CCNE2: variants seen among roughly 807,000 people sequenced by gnomAD.
CCNE2 encodes the protein cyclin E2, also known as G1/S-specific cyclin-E2.
CCNE2 carries 18 observed loss-of-function variants against 56.8 expected under a neutral mutation model. The observed-to-expected ratio is 0.32, with a 90% CI of 0.22 to 0.47. The LOEUF is 0.47. Ranked by LOEUF, CCNE2 falls within the 20% of genes least tolerant of loss-of-function variation. CCNE2 has a pLI of 1.00. For synonymous variants in CCNE2, 139 were observed against 149.2 expected, an observed-to-expected ratio of 0.93 and a Z score of 0.50; for missense variants, 371 against 467.1, an observed-to-expected ratio of 0.79 and a Z score of 1.90.
At chr8:94,889,118 G>C (rs987204059) in intron 6 of CCNE2, among the ~76,000 whole-genome samples, 4 of 151,816 alleles carry the variant, frequency 2.6e-5, no homozygotes, top group South Asian at 2.1e-4. Flanking sequence ...ATTCCATTCT[G>C]GCCTGGGTGA....
At chr8:94,884,854 T>C in intron 9 of CCNE2, 1 of 430,728 alleles carries the variant, frequency 2.3e-6, no homozygotes, top group Non-Finnish European at 4.1e-6. Flanking sequence ...TCCTAAAGAA[T>C]GAAAGTACTC....
At position 94,882,168 on chromosome 8, in the gene CCNE2, A is replaced by G. The variant is rs865967928; in HGVS notation, c.1065T>C (p.His355=). 1.2e-6 allele frequency: 2 copies of G among 1,613,064 alleles called. No individual in the cohort carries two copies. The highest frequency in any genetic ancestry group is 3.3e-4 in the Middle Eastern group (2 of 6,058). Residue 355 remains histidine (H), a synonymous_variant, in exon 11 of 12, where the codon CAT becomes CAC. Coordinates refer to ENST00000308108, the MANE Select transcript of CCNE2 (RefSeq NM_057749.3). ...TFKKIPMEDR[H]NIQTHTNYLA... is the part of the protein sequence containing the mutation. ...AATAGTTTGTATGTGTCTGGATATT[A>G]TGTCTGTCTTCCATAGGAATCTTCT...
At chr8:94,884,354 T>C (rs1297616631) in intron 9 of CCNE2, among the ~76,000 whole-genome samples, 1 of 151,968 alleles carries the variant, frequency 6.6e-6, no homozygotes, top group Non-Finnish European at 1.5e-5. Context: ...TTTTTTTTTT[T>C]TTAATTTTTT....
Position 94,892,940 on chromosome 8 carries a change from C to T in CCNE2, c.195G>A (p.Gly65=). 2 of 1,539,686 alleles carry T rather than the reference C, an allele frequency of 1.3e-6. No homozygotes were observed. The highest frequency in any genetic ancestry group is 2.5e-5 in the East Asian group (1 of 39,580). The change falls in exon 5 of 12, where the codon GGG becomes GGA. Residue 65 remains glycine, a synonymous_variant. Coordinates refer to ENST00000308108, the MANE Select transcript of CCNE2 (RefSeq NM_057749.3). ...RNCWPPVLSG[G]ISPCIIIETP... ...TTTCAATGATAATGCAAGGACTGAT[C>T]CCCCCAGATAATACAGGTGGCCAAC...
chr8:94,889,286 AAGAATACACTAAGAT>A (rs1275954848), intron 6 of CCNE2, among the ~76,000 whole-genome samples: 9 of 152,258 alleles, frequency 5.9e-5, no homozygotes, highest in Admixed American at 4.6e-4. Flanking sequence ...TCCTAGACTG[AAGAATACACTAAGAT>A]AGAGTTTAAC....
intron 7 of CCNE2, 151 bp from the exon 8 acceptor site, chr8:94,885,709 A>G: frequency 2.1e-6 from 1 of 475,996 alleles, no homozygotes; most frequent in South Asian, 4.2e-5. Context: ...AAGCAAAGAC[A>G]AAAAGTACAT....
chr8:94,881,522 T>C lies in CCNE2; in HGVS notation c.*110A>G, dbSNP rs956483233. On this transcript the variant is annotated 3_prime_UTR_variant, in exon 12 of 12. Coordinates refer to ENST00000308108, the MANE Select transcript of CCNE2 (RefSeq NM_057749.3). ...CAGAATGGCAGTGTAACTTGTGAAT[T>C]GGCTAGGGCAATCAATCACAGCACT... The C allele has an allele frequency of 9.2e-5, 92 of 1,003,604 alleles. No individual in the cohort carries two copies. The highest frequency in any genetic ancestry group is 1.2e-4 in the Non-Finnish European group (86 of 691,414). 62.2% of individuals were successfully genotyped at this position (1,003,604 alleles called of 1,614,324 possible). A position where few individuals can be genotyped will look rare whatever the true frequency, so the allele number is the denominator to read the frequency against.
upstream of CCNE2, chr8:94,895,271 G>A: frequency 3.0e-6 from 3 of 984,938 alleles, no homozygotes; most frequent in Non-Finnish European, 3.6e-6. Flanking sequence ...GCCTCAGACT[G>A]ACACCTCCGG....
At position 94,885,113 on chromosome 8, in the gene CCNE2, A is replaced by G. The variant is rs1816985621; in HGVS notation, c.785T>C (p.Val262Ala). 6.2e-7 allele frequency: 1 copy of G among 1,613,308 alleles called. No individual in the cohort carries two copies. Among genetic ancestry groups the G allele is most frequent in the Non-Finnish European group, 8.5e-7 (1 of 1,179,490 alleles). ...QVDALKDAPKVLLPQYSQETF... is the reference protein window; with the variant it reads ...QVDALKDAPKALLPQYSQETF... ...TTCCTGAGAATACTGAGGTAGAAGA[A>G]CTTTAGGAGCATCTTTAAGAGCATC... is the stretch of plus-strand genomic sequence containing the variant. The change falls in exon 9 of 12, where the codon GTT becomes GCT. Residue 262 changes from valine (V) to alanine (A), a missense_variant. Transcript: ENST00000308108.
In CCNE2 at chr8:94,885,085, T is replaced by A; in HGVS notation, c.813A>T (p.Thr271=). The part of the protein sequence containing the change: ...KVLLPQYSQE[T]FIQIAQLLDL... The stretch of plus-strand genomic sequence containing the variant: ...TCAGTACCTGAGCTATTTGAATGAA[T>A]GTTTCCTGAGAATACTGAGGTAGAA... Residue 271 remains threonine, a synonymous_variant, in exon 9 of 12, where the codon ACA becomes ACT. Transcript: ENST00000308108. 1.9e-6 allele frequency: 3 copies of A among 1,613,314 alleles called. No homozygotes were observed. Among genetic ancestry groups the A allele is most frequent in the Non-Finnish European group, 1.7e-6 (2 of 1,179,426 alleles).
At chr8:94,882,649 A>T (rs974507014) in intron 10 of CCNE2, 132 bp downstream of exon 10, 33 of 652,632 alleles carry the variant, frequency 5.1e-5, no homozygotes, top group Middle Eastern at 2.5e-4. Flanking sequence ...TAACAGAAAG[A>T]TAATTACTGA....
chr8:94,880,838 T>TTAAG lies in CCNE2; in HGVS notation c.*790_*793dup, dbSNP rs1446719692. The TTAAG allele has an allele frequency of 7.5e-6, 3 of 398,440 alleles. No individual in the cohort carries two copies. The highest frequency in any genetic ancestry group is 3.6e-5 in the East Asian group (1 of 28,002). The allele number at this position is 398,440 out of a possible 1,614,324, so 24.7% of individuals were successfully genotyped here. A position where few individuals can be genotyped will look rare whatever the true frequency, so the allele number is the denominator to read the frequency against. ...TCATATAAATAGTTTGAAAGGGTAC[T>TTAAG]TAAGTTTTTCACCCAAATTGTGATA... is the stretch of plus-strand genomic sequence containing the variant. On this transcript the variant is annotated 3_prime_UTR_variant, in exon 12 of 12. Coordinates refer to ENST00000308108, the MANE Select transcript of CCNE2 (RefSeq NM_057749.3).
chr8:94,895,388 G>T, upstream of CCNE2: 1 of 363,074 alleles, frequency 2.8e-6, no homozygotes, highest in Non-Finnish European at 3.8e-6. Flanking sequence ...ACTCTACCGG[G>T]CCTTCTGCCC....
At position 94,892,940 on chromosome 8, in the gene CCNE2, C is replaced by A. The variant is rs1195435155; in HGVS notation, c.195G>T (p.Gly65=). Residue 65 remains glycine, a synonymous_variant, in exon 5 of 12, where the codon GGG becomes GGT. Coordinates refer to ENST00000308108, the MANE Select transcript of CCNE2 (RefSeq NM_057749.3). ...TTTCAATGATAATGCAAGGACTGATCCCCCCAGATAATACAGGTGGCCAAC... is the reference window on the plus strand; with the variant it reads ...TTTCAATGATAATGCAAGGACTGATACCCCCAGATAATACAGGTGGCCAAC... ...RNCWPPVLSG[G]ISPCIIIETP... The A allele has an allele frequency of 6.5e-7, 1 of 1,539,686 alleles. No homozygotes were observed. Among genetic ancestry groups the A allele is most frequent in the Non-Finnish European group, 8.7e-7 (1 of 1,154,580 alleles).
intron 11 of CCNE2, 33 bp downstream of exon 11, chr8:94,882,099 T>C (rs956389384): frequency 5.7e-6 from 9 of 1,575,166 alleles, no homozygotes; most frequent in East Asian, 2.3e-5. Flanking sequence ...TAGATTCAGA[T>C]AGCAAAGCCA....
chr8:94,891,900 T>A, intron 5 of CCNE2: 1 of 1,373,196 alleles, frequency 7.3e-7, no homozygotes, highest in Middle Eastern at 2.6e-4. Context: ...TCATTGAGCA[T>A]CTCCAAGTGA....
At chr8:94,889,585 C>A (rs1267025113) in intron 6 of CCNE2, among the ~76,000 whole-genome samples, 1 of 152,160 alleles carries the variant, frequency 6.6e-6, no homozygotes, top group Non-Finnish European at 1.5e-5. Flanking sequence ...AAAAGGATAA[C>A]ATTTTAGTCT....
intron 7 of CCNE2, 31 bp from the exon 8 acceptor site, chr8:94,885,589 AT>A (rs1389988403): frequency 7.7e-7 from 1 of 1,302,220 alleles, no homozygotes; most frequent in African/African-American, 1.5e-5. Context: ...ATTGAGTACA[AT>A]TGAGATAGAA....
intron 1 of CCNE2, 85 bp downstream of exon 1, chr8:94,895,092 C>G: frequency 1.2e-6 from 1 of 811,860 alleles, no homozygotes; most frequent in Non-Finnish European, 1.5e-6. Context: ...GATTTTCCTC[C>G]CTGAGGCTCC....
Sources: allele counts gnomAD v4.1 joint callset (sites outside exome capture counted in the v4.1 genomes callset), GRCh38; gene constraint gnomAD v4.1.1; transcripts MANE v1.5; gene names NCBI Gene and HGNC (gene_info 2026-07-23, HGNC 2026-07-21).